The following ANTXRL variants were observed in gnomAD, a reference collection of about 807,000 sequenced individuals.
ANTXRL encodes the protein anthrax toxin receptor-like.
Under a neutral mutation model 75.4 loss-of-function variants are expected in ANTXRL, and 63 were observed. That is an observed-to-expected ratio of 0.84 (90% confidence interval 0.68 to 1.03). The LOEUF (loss-of-function observed/expected upper bound fraction) is 1.03, where lower values mean the gene tolerates loss of function less well. Ranked by LOEUF, ANTXRL falls within the 50% of genes least tolerant of loss-of-function variation. ANTXRL has a pLI of 0.00. For synonymous variants in ANTXRL, 335 were observed against 291.3 expected (o/e 1.15, Z -1.53); for missense variants, 797 against 789.4 (o/e 1.01, Z -0.12).
rs1554967145 is a variant in ANTXRL, at chr10:46,329,685, G to A, written c.1497G>A (p.Glu499=). ...GGATCTGCTTTCCACACAGCCAGGAGTGCCTTTCCCTACCACAGGCTCCCT... is the reference window on the plus strand; with the variant it reads ...GGATCTGCTTTCCACACAGCCAGGAATGCCTTTCCCTACCACAGGCTCCCT... ...CPRICFPHSQ[E]CLSLPQAPCS... The change falls in exon 17 of 17, where the codon GAG becomes GAA. Residue 499 remains glutamate, a synonymous_variant. Coordinates refer to ENST00000620264, the MANE Select transcript of ANTXRL (RefSeq NM_001278688.3). 1.3e-6 allele frequency: 2 copies of A among 1,536,268 alleles called. No homozygotes were observed. The highest frequency in any genetic ancestry group is 3.9e-5 in the Admixed American group (2 of 50,970).
At chr10:46,299,233 C>T (rs1554959861) in intron 9 of ANTXRL, among the ~76,000 whole-genome samples, 2 of 152,092 alleles carry the variant, frequency 1.3e-5, no homozygotes, top group African/African-American at 4.8e-5. Flanking sequence ...GTAGGGGTGT[C>T]AACATCCCAC....
rs1170964579 is a variant in ANTXRL, at chr10:46,307,380, A to G, written c.966-22A>G. 6 of 1,516,146 alleles carry G rather than the reference A, an allele frequency of 4.0e-6. No individual in the cohort carries two copies. The East Asian group carries it at 7.4e-5, about 19-fold the overall frequency. The allele number at this position is 1,516,146 out of a possible 1,614,324, so 93.9% of individuals were successfully genotyped here. ...GCATCTCTCTGGACTGGCTCTCACC[A>G]TCTGCATTTTCTATGCTTTAGGGAG... is the stretch of plus-strand genomic sequence containing the variant. On this transcript the variant is annotated intron_variant, in intron 11 of 16. Transcript: ENST00000620264.
intron 12 of ANTXRL, among the ~76,000 whole-genome samples, chr10:46,308,148 C>G (rs1319619027): frequency 2.6e-5 from 4 of 152,170 alleles, no homozygotes; most frequent in African/African-American, 9.7e-5. Context: ...TGTACCCAGT[C>G]TCACTTGTGA....
intron 3 of ANTXRL, among the ~76,000 whole-genome samples, chr10:46,295,407 GA>G: frequency 6.6e-6 from 1 of 152,030 alleles, no homozygotes; most frequent in Non-Finnish European, 1.5e-5. Context: ...CAACCCCATT[GA>G]CAGTGGCTGA....
chr10:46,299,183 C>T lies in ANTXRL; in HGVS notation c.796+1121C>T, dbSNP rs140029959. 3.4e-3 allele frequency among the ~76,000 whole-genome samples: 518 copies of T among 152,138 alleles called. 4 individuals carry two copies. Among genetic ancestry groups the T allele is most frequent in the African/African-American group, 0.012 (479 of 41,444 alleles). On this transcript the variant is annotated intron_variant, in intron 9 of 16. Transcript: ENST00000620264. ...TTTACCACATCAACAAAATAGGAAA[C>T]AGGAACCAAGCGGTTATCTCAGGGG...
At chr10:46,292,719 C>T (rs1837047995) in intron 2 of ANTXRL, 1 of 157,680 alleles carries the variant, frequency 6.3e-6, no homozygotes, top group South Asian at 1.8e-4. Context: ...GGATTTCCTG[C>T]TCTGAGCCAT....
intron 13 of ANTXRL, among the ~76,000 whole-genome samples, 177 bp from the exon 14 acceptor site, chr10:46,310,284 G>A (rs73291027): frequency 0.17 from 26,365 of 151,906 alleles, 1,964 homozygotes; most frequent in Middle Eastern, 0.2. Context: ...TGGAGGCTGA[G>A]GCCCAGGAGG....
intron 2 of ANTXRL, chr10:46,293,189 C>G: frequency 6.5e-6 from 1 of 152,730 alleles, no homozygotes. Flanking sequence ...TGTTCAGGTG[C>G]ATGTGTGTGG....
chr10:46,326,209 A>G (rs1839204508), intron 16 of ANTXRL, among the ~76,000 whole-genome samples: 1 of 152,076 alleles, frequency 6.6e-6, no homozygotes, highest in Non-Finnish European at 1.5e-5. Context: ...GAGATGGATA[A>G]AAGGAAGGAA....
At chr10:46,316,191 C>T (rs1302526843) in intron 16 of ANTXRL, among the ~76,000 whole-genome samples, 1 of 152,098 alleles carries the variant, frequency 6.6e-6, no homozygotes, top group African/African-American at 2.4e-5. Flanking sequence ...ATATAACAGC[C>T]TTTCCAGTGA....
intron 16 of ANTXRL, among the ~76,000 whole-genome samples, chr10:46,327,869 G>T (rs1178580403): frequency 6.6e-6 from 1 of 152,140 alleles, no homozygotes; most frequent in African/African-American, 2.4e-5. Context: ...CAGGCCCCAC[G>T]CCAGGGAAAC....
intron 16 of ANTXRL, among the ~76,000 whole-genome samples, chr10:46,326,989 G>GGAGAAA (rs1839247978): frequency 6.6e-6 from 1 of 152,076 alleles, no homozygotes; most frequent in Admixed American, 6.6e-5. Context: ...CAGGCTGTCT[G>GGAGAAA]GAGAAAGAGA....
Position 46,310,471 on chromosome 10 carries a change from A to G in ANTXRL, c.1145A>G (p.Glu382Gly). The change falls in exon 14 of 17, where the codon GAG becomes GGG. Residue 382 changes from glutamate (E) to glycine (G), a missense_variant. Around this residue, in one of 3 missense-constraint regions of ANTXRL, gnomAD observed 479 missense variants for 422.0 expected, o/e 1.14. Coordinates refer to ENST00000620264, the MANE Select transcript of ANTXRL (RefSeq NM_001278688.3). ...TTTTGAACATTCTAGACTGTCAAGG[A>G]GCCACCACCTGTGCAGAAGCCAGAA... is the stretch of plus-strand genomic sequence containing the variant. ...WRLCRKQTVK[E>G]PPPVQKPEKE... 2.6e-6 allele frequency: 4 copies of G among 1,536,318 alleles called. No individual in the cohort carries two copies. The highest frequency in any genetic ancestry group is 3.5e-6 in the Non-Finnish European group (4 of 1,146,798).
At chr10:46,303,333 G>A (rs1281790739) in intron 10 of ANTXRL, among the ~76,000 whole-genome samples, 1 of 152,188 alleles carries the variant, frequency 6.6e-6, no homozygotes, top group Non-Finnish European at 1.5e-5. Flanking sequence ...GTGTCACCTT[G>A]ACCAGATGAG....
intron 5 of ANTXRL, 21 bp downstream of exon 5, chr10:46,296,273 T>C (rs1313421949): frequency 1.3e-6 from 2 of 1,535,200 alleles, no homozygotes; most frequent in Admixed American, 3.9e-5. Context: ...GCCGTCCCCC[T>C]GGTGGTCCTG....
rs111920703 is a variant in ANTXRL, at chr10:46,320,100, C to A, written c.1410+6784C>A. Among the ~76,000 whole-genome samples the A allele has an allele frequency of 2.4e-3, 369 of 152,224 alleles. 6 individuals are homozygous for A. The highest frequency in any genetic ancestry group is 8.4e-3 in the African/African-American group (350 of 41,502). On this transcript the variant is annotated intron_variant, in intron 16 of 16. Transcript: ENST00000620264. ...CTAACTCCTGCCTTTCAAATACCTT[C>A]CCATGAAAGTTCCCATGATAGGTCC...
chr10:46,328,846 G>A (rs1367653794), intron 16 of ANTXRL, among the ~76,000 whole-genome samples: 1 of 152,114 alleles, frequency 6.6e-6, no homozygotes, highest in Non-Finnish European at 1.5e-5. Flanking sequence ...CCAAGAGGTT[G>A]AGTGACTTGC....
intron 9 of ANTXRL, among the ~76,000 whole-genome samples, chr10:46,300,621 C>T (rs56801858): frequency 0.21 from 31,468 of 151,432 alleles, 2,891 homozygotes; most frequent in East Asian, 0.33. Context: ...AGGTGGAGCA[C>T]AGGCACTCTG....
intron 15 of ANTXRL, among the ~76,000 whole-genome samples, chr10:46,312,782 C>T (rs1228307325): frequency 6.7e-6 from 1 of 148,996 alleles, no homozygotes; most frequent in Non-Finnish European, 1.5e-5. Flanking sequence ...TTTTCTCTGC[C>T]TTCCTCTTCT....
Sources: allele counts gnomAD v4.1 joint callset (sites outside exome capture counted in the v4.1 genomes callset), GRCh38; gene constraint gnomAD v4.1.1; regional missense constraint gnomAD v4.1.1; transcripts MANE v1.5; gene names NCBI Gene and HGNC (gene_info 2026-07-23, HGNC 2026-07-21).